ZC2HC1A: variants seen among roughly 807,000 people sequenced by gnomAD.
ZC2HC1A encodes the protein zinc finger C2HC-type containing 1A, also known as zinc finger C2HC domain-containing protein 1A.
Under a neutral mutation model 40.7 loss-of-function variants are expected in ZC2HC1A, and 28 were observed. The observed-to-expected ratio is 0.69, with a 90% CI of 0.51 to 0.94. The LOEUF (loss-of-function observed/expected upper bound fraction) is 0.94, where lower values mean the gene tolerates loss of function less well. ZC2HC1A is among the 40% of genes least tolerant of loss of function. The pLI is 0.00. For synonymous variants in ZC2HC1A, 129 were observed against 129.2 expected (o/e 1.00, Z 0.01); for missense variants, 389 against 386.3 (o/e 1.01, Z -0.06).
chr8:78,685,879 T>G (rs1357957718), intron 3 of ZC2HC1A: 1 of 152,292 alleles, frequency 6.6e-6, no homozygotes, highest in Non-Finnish European at 1.5e-5. Flanking sequence ...AAAAGAAATG[T>G]ATCTCTCACT....
chr8:78,705,172 G>A (rs959274105), intron 7 of ZC2HC1A, among the ~76,000 whole-genome samples: 4 of 152,170 alleles, frequency 2.6e-5, no homozygotes, highest in Admixed American at 6.5e-5. Flanking sequence ...GAGGTGATGC[G>A]GTCACTTGGA....
intron 7 of ZC2HC1A, among the ~76,000 whole-genome samples, chr8:78,710,901 G>T (rs2130601125): frequency 6.6e-6 from 1 of 152,114 alleles, no homozygotes; most frequent in South Asian, 2.1e-4. Context: ...GCTACTGAAA[G>T]AAGACAAAAA....
At chr8:78,674,340 T>C (rs944231608) in intron 1 of ZC2HC1A, among the ~76,000 whole-genome samples, 1 of 152,188 alleles carries the variant, frequency 6.6e-6, no homozygotes, top group African/African-American at 2.4e-5. Context: ...TATTGATGAA[T>C]TTTAAAATCA....
intron 5 of ZC2HC1A, among the ~76,000 whole-genome samples, chr8:78,693,159 CTT>C (rs1810271151): frequency 6.6e-6 from 1 of 152,064 alleles, no homozygotes; most frequent in East Asian, 1.9e-4. Flanking sequence ...GGTTCCAAGT[CTT>C]TGCTATTGTG....
chr8:78,671,887 T>A (rs1241254620), intron 1 of ZC2HC1A, among the ~76,000 whole-genome samples: 1 of 152,196 alleles, frequency 6.6e-6, no homozygotes, highest in Non-Finnish European at 1.5e-5. Flanking sequence ...GAAAGATGTC[T>A]TCCATGTACT....
rs529892497 is a variant in ZC2HC1A, at chr8:78,718,269, C to T, written c.*776C>T. 3.3e-5 allele frequency: 5 copies of T among 151,776 alleles called. No homozygotes were observed. Among genetic ancestry groups the T allele is most frequent in the Admixed American group, 6.6e-5 (1 of 15,242 alleles). 9.4% of individuals were successfully genotyped at this position (151,776 alleles called of 1,614,324 possible). On this transcript the variant is annotated 3_prime_UTR_variant, in exon 9 of 9. Coordinates refer to ENST00000263849, the MANE Select transcript of ZC2HC1A (RefSeq NM_016010.3). ...TCACTTTTCCTCTTTTTCCATAACC[C>T]GTGAAGATAGTTTTAATTTGCTAGT...
chr8:78,698,614 A>T, intron 7 of ZC2HC1A, 101 bp downstream of exon 7: 1 of 889,998 alleles, frequency 1.1e-6, no homozygotes, highest in Non-Finnish European at 1.6e-6. Flanking sequence ...TTCATTTCCT[A>T]AGTTCATTTG....
chr8:78,680,717 C>A (rs552862636), intron 3 of ZC2HC1A, among the ~76,000 whole-genome samples: 26 of 152,124 alleles, frequency 1.7e-4, no homozygotes, highest in African/African-American at 6.3e-4. Context: ...GAGAAATTAC[C>A]CGTAAGAGGA....
intron 5 of ZC2HC1A, among the ~76,000 whole-genome samples, chr8:78,696,103 C>T (rs575042606): frequency 8.6e-5 from 13 of 151,852 alleles, no homozygotes; most frequent in South Asian, 2.1e-4. Flanking sequence ...GGCGTGATCT[C>T]GGCTCACTGC....
intron 1 of ZC2HC1A, among the ~76,000 whole-genome samples, chr8:78,666,590 G>GTC (rs535081562): frequency 7.2e-4 from 109 of 152,300 alleles, no homozygotes; most frequent in Non-Finnish European, 1.4e-3. Context: ...CCCGGGGTGT[G>GTC]TCTCCAGCCT....
At chr8:78,667,798 C>T (rs1429043703) in intron 1 of ZC2HC1A, among the ~76,000 whole-genome samples, 1 of 152,134 alleles carries the variant, frequency 6.6e-6, no homozygotes, top group Non-Finnish European at 1.5e-5. Context: ...TGAAACCTTA[C>T]TACGAATGTT....
At chr8:78,676,595 A>G (rs1809586372) in intron 2 of ZC2HC1A, among the ~76,000 whole-genome samples, 1 of 152,018 alleles carries the variant, frequency 6.6e-6, no homozygotes, top group Non-Finnish European at 1.5e-5. Context: ...TCTGCTGATT[A>G]AAGTTCTGCC....
intron 7 of ZC2HC1A, among the ~76,000 whole-genome samples, chr8:78,703,364 G>A (rs980356969): frequency 2.0e-4 from 30 of 152,166 alleles, no homozygotes; most frequent in African/African-American, 7.2e-4. Flanking sequence ...GTCTAATATT[G>A]TCAGTGAGGT....
intron 1 of ZC2HC1A, among the ~76,000 whole-genome samples, chr8:78,667,803 A>T (rs548120875): frequency 1.3e-5 from 2 of 152,218 alleles, no homozygotes; most frequent in South Asian, 2.1e-4. Context: ...CCTTACTACG[A>T]ATGTTTTTAA....
intron 5 of ZC2HC1A, among the ~76,000 whole-genome samples, chr8:78,690,437 G>A (rs1255319845): frequency 6.6e-6 from 1 of 152,026 alleles, no homozygotes; most frequent in African/African-American, 2.4e-5. Flanking sequence ...GCGGGCGCCT[G>A]TAGTCCCAGC....
intron 3 of ZC2HC1A, chr8:78,679,523 A>AT (rs1441618696): frequency 6.6e-6 from 1 of 151,996 alleles, no homozygotes; most frequent in African/African-American, 2.4e-5. Flanking sequence ...AAAGTTTCTG[A>AT]TTCATGGTTG....
intron 3 of ZC2HC1A, among the ~76,000 whole-genome samples, chr8:78,682,970 C>T (rs1371228606): frequency 3.3e-5 from 5 of 152,222 alleles, no homozygotes; most frequent in African/African-American, 1.2e-4. Flanking sequence ...AACCTTAAAG[C>T]TCTGAAACGA....
chr8:78,685,204 T>G (rs1033818434), intron 3 of ZC2HC1A, among the ~76,000 whole-genome samples: 2 of 151,766 alleles, frequency 1.3e-5, no homozygotes, highest in African/African-American at 4.8e-5. Context: ...AATTCTGTTG[T>G]GGGGGGACAG....
chr8:78,679,808 A>T (rs1809709595), intron 3 of ZC2HC1A, among the ~76,000 whole-genome samples: 1 of 152,208 alleles, frequency 6.6e-6, no homozygotes, highest in Non-Finnish European at 1.5e-5. Context: ...GAAAAATTAG[A>T]TGTTCATTTT....
Sources: allele counts gnomAD v4.1 joint callset (sites outside exome capture counted in the v4.1 genomes callset), GRCh38; gene constraint gnomAD v4.1.1; transcripts MANE v1.5; gene names NCBI Gene and HGNC (gene_info 2026-07-23, HGNC 2026-07-21).